Variants in IL1RAPL2 observed in about 807,000 individuals in gnomAD.
IL1RAPL2 encodes the protein X-linked interleukin-1 receptor accessory protein-like 2.
Under a neutral mutation model 44.1 loss-of-function variants are expected in IL1RAPL2, and 3 were observed. That is an observed-to-expected ratio of 0.07 (90% CI 0.03 to 0.18). The LOEUF is 0.18. IL1RAPL2 is among the 10% of genes least tolerant of loss of function. The probability of loss-of-function intolerance (pLI) is 1.00; values close to 1 mark genes in which losing one functional copy is unlikely to be tolerated. For synonymous variants in IL1RAPL2, 181 were observed against 178.8 expected, an observed-to-expected ratio of 1.01 and a Z score of -0.10; for missense variants, 391 against 496.4, an observed-to-expected ratio of 0.79 and a Z score of 2.02.
intron 2 of IL1RAPL2, among the ~76,000 whole-genome samples, chrX:104,834,309 C>T (rs955268390): frequency 1.8e-5 from 2 of 112,118 alleles, no homozygotes; most frequent in Non-Finnish European, 3.8e-5. Context: ...TCCCATGTTA[C>T]TCAGTCCCTT....
intron 6 of IL1RAPL2, among the ~76,000 whole-genome samples, chrX:105,708,818 T>C (rs1409950661): frequency 8.9e-6 from 1 of 112,093 alleles, no homozygotes; most frequent in Non-Finnish European, 1.9e-5. Context: ...TATGATTGTA[T>C]AGATTGGCTA....
intron 2 of IL1RAPL2, among the ~76,000 whole-genome samples, chrX:104,882,492 G>A (rs762590485): frequency 1.3e-3 from 147 of 111,708 alleles, no homozygotes; most frequent in African/African-American, 4.6e-3. Flanking sequence ...TCTGGGTCGG[G>A]TGGGGACTTG....
chrX:105,386,094 C>A (rs1017483135), intron 5 of IL1RAPL2, among the ~76,000 whole-genome samples: 3 of 111,364 alleles, frequency 2.7e-5, no homozygotes, highest in Non-Finnish European at 5.7e-5. Context: ...CAAATTATGC[C>A]TTCAAAGGAA....
intron 2 of IL1RAPL2, among the ~76,000 whole-genome samples, chrX:105,134,386 A>G (rs1569389428): frequency 8.9e-6 from 1 of 112,268 alleles, no homozygotes; most frequent in South Asian, 3.7e-4. Flanking sequence ...TATGTTGCAC[A>G]TTCATTCATT....
Position 105,217,905 on chromosome X carries a change from T to C in IL1RAPL2, c.357-15913T>C, listed in dbSNP as rs188733982. ...GTGTGAGGTGAAAAATGAGAACACA[T>C]GGACATAGGGAGGAGGACATCACAC... On this transcript the variant is annotated intron_variant, in intron 3 of 10. Transcript: ENST00000372582. Among the ~76,000 whole-genome samples the C allele has an allele frequency of 1.4e-3, 158 of 111,017 alleles. 1 individual carries two copies. The highest frequency in any genetic ancestry group is 4.9e-3 in the African/African-American group (150 of 30,473).
chrX:105,420,241 G>A (rs1370540528), intron 5 of IL1RAPL2, among the ~76,000 whole-genome samples: 1 of 111,578 alleles, frequency 9.0e-6, no homozygotes, highest in African/African-American at 3.3e-5. Flanking sequence ...CAGGAAATCT[G>A]AAACTACCTA....
chrX:105,161,623 G>A (rs1334463608), intron 2 of IL1RAPL2, among the ~76,000 whole-genome samples: 2 of 111,358 alleles, frequency 1.8e-5, no homozygotes, highest in African/African-American at 6.5e-5. Flanking sequence ...ATTAGCAATT[G>A]GGAAATGTAA....
intron 2 of IL1RAPL2, among the ~76,000 whole-genome samples, chrX:105,077,689 CAT>C (rs1297776468): frequency 1.8e-5 from 2 of 111,909 alleles, no homozygotes; most frequent in Non-Finnish European, 1.9e-5. Flanking sequence ...ACCAATTAGA[CAT>C]AGATTTGGTC....
At chrX:104,795,097 A>T (rs1932843031) in intron 2 of IL1RAPL2, among the ~76,000 whole-genome samples, 1 of 110,541 alleles carries the variant, frequency 9.0e-6, no homozygotes, top group Admixed American at 9.5e-5. Context: ...GGTTTACAGA[A>T]GAAGATTTGG....
intron 2 of IL1RAPL2, among the ~76,000 whole-genome samples, chrX:105,002,426 C>T (rs1330658300): frequency 1.8e-5 from 2 of 111,156 alleles, no homozygotes; most frequent in Admixed American, 1.9e-4. Flanking sequence ...ATGAACTCCA[C>T]CTAAATAGCA....
At chrX:104,912,637 C>T (rs1361307697) in intron 2 of IL1RAPL2, among the ~76,000 whole-genome samples, 1 of 111,639 alleles carries the variant, frequency 9.0e-6, no homozygotes, top group Admixed American at 9.6e-5. Context: ...ATGTGTGTGT[C>T]TATCAGCAAA....
At chrX:104,775,421 C>A (rs1298280633) in intron 2 of IL1RAPL2, among the ~76,000 whole-genome samples, 2 of 111,994 alleles carry the variant, frequency 1.8e-5, no homozygotes, top group African/African-American at 6.5e-5. Flanking sequence ...GGTTCGCAGA[C>A]TATAGATGTG....
intron 2 of IL1RAPL2, among the ~76,000 whole-genome samples, chrX:104,772,484 A>G (rs1266039610): frequency 8.9e-6 from 1 of 112,108 alleles, no homozygotes; most frequent in East Asian, 2.8e-4. Context: ...GCCTTTATAT[A>G]AAAGTTAGTA....
chrX:105,671,723 T>A (rs1258217288), intron 6 of IL1RAPL2, among the ~76,000 whole-genome samples: 2 of 112,114 alleles, frequency 1.8e-5, no homozygotes, highest in Admixed American at 9.5e-5. Context: ...GGGACATTTT[T>A]AGGCATTATT....
chrX:105,696,690 A>G (rs138253605), intron 6 of IL1RAPL2, among the ~76,000 whole-genome samples: 15 of 111,399 alleles, frequency 1.3e-4, no homozygotes, highest in African/African-American at 4.9e-4. Context: ...CTTAGGGCAC[A>G]TGTGAATACC....
At position 105,220,136 on chromosome X, in the gene IL1RAPL2, G is replaced by T. The variant is rs1556179056; in HGVS notation, c.357-13682G>T. The stretch of plus-strand genomic sequence containing the variant: ...AAGCCGTGCAGCCACCGCACCCTGT[G>T]CCTTTGTAGCTGTGCCTGCCTGTGG... On this transcript the variant is annotated intron_variant, in intron 3 of 10. Transcript: ENST00000372582. The T allele has an allele frequency of 1.7e-6, 2 of 1,211,670 alleles. No homozygotes were observed. Among genetic ancestry groups the T allele is most frequent in the Admixed American group, 4.3e-5 (2 of 46,107 alleles).
chrX:105,024,194 C>T (rs1480015362), intron 2 of IL1RAPL2, among the ~76,000 whole-genome samples: 1 of 111,508 alleles, frequency 9.0e-6, no homozygotes, highest in East Asian at 2.8e-4. Context: ...GTTCACTTAA[C>T]GAGAATAGTC....
At chrX:104,676,914 C>A (rs772496679) in intron 2 of IL1RAPL2, among the ~76,000 whole-genome samples, 9 of 111,990 alleles carry the variant, frequency 8.0e-5, no homozygotes, top group Non-Finnish European at 1.7e-4. Flanking sequence ...CTTCTGCATT[C>A]TTCACGTAGT....
chrX:105,218,835 A>T, intron 3 of IL1RAPL2: 1 of 565,356 alleles, frequency 1.8e-6, no homozygotes, highest in Non-Finnish European at 2.9e-6. Context: ...CCATTGTCTC[A>T]CCTCCTTCCC....
Sources: allele counts gnomAD v4.1 joint callset (sites outside exome capture counted in the v4.1 genomes callset), GRCh38; gene constraint gnomAD v4.1.1; transcripts MANE v1.5; gene names NCBI Gene and HGNC (gene_info 2026-07-23, HGNC 2026-07-21).